Variants in SLTM observed in about 807,000 individuals in gnomAD.
SLTM encodes SAFB-like transcription modulator.
A neutral mutation model predicts 134.6 loss-of-function variants in SLTM; 43 were observed. The observed-to-expected ratio is 0.32, with a 90% CI of 0.25 to 0.41. The LOEUF (loss-of-function observed/expected upper bound fraction) is 0.41, where lower values mean the gene tolerates loss of function less well. SLTM is among the 10% of genes least tolerant of loss of function. The probability of loss-of-function intolerance (pLI) is 1.00; values close to 1 mark genes in which losing one functional copy is unlikely to be tolerated. For missense variants in SLTM, 1,055 were observed against 1,288.8 expected, an observed-to-expected ratio of 0.82 and a Z score of 2.78; for synonymous variants, 424 against 432.3, an observed-to-expected ratio of 0.98 and a Z score of 0.24.
chr15:58,886,931 A>C, intron 19 of SLTM, 44 bp downstream of exon 19: 4 of 1,610,338 alleles, frequency 2.5e-6, no homozygotes, highest in Non-Finnish European at 3.4e-6. Context: ...GAATCCTCTA[A>C]ATGTATGTGT....
chr15:58,905,558 A>T (rs968352741), intron 5 of SLTM, among the ~76,000 whole-genome samples: 2 of 152,054 alleles, frequency 1.3e-5, no homozygotes, highest in Non-Finnish European at 2.9e-5. Flanking sequence ...AATATATTTT[A>T]AAAAAATAAA....
Position 58,924,802 on chromosome 15 carries a change from A to G in SLTM, c.250+7554T>C, listed in dbSNP as rs1175358454. On this transcript the variant is annotated intron_variant, in intron 2 of 20. Coordinates refer to ENST00000380516, the MANE Select transcript of SLTM (RefSeq NM_024755.4). ...TTAAGTTCAGAAATACCTCCCAAAC[A>G]AAAACAAATCCCACTTAATAATTAG... Among the ~76,000 whole-genome samples the G allele has an allele frequency of 3.3e-5, 5 of 152,186 alleles. No individual in the cohort carries two copies. In the East Asian group the frequency reaches 9.6e-4, roughly 29 times the overall value.
Position 58,888,568 on chromosome 15 carries a change from T to C in SLTM, c.2205-13A>G, listed in dbSNP as rs1248165951. ...AGGATCATCTCGCCTTGAAGAGAAA[T>C]ATTTGCTTATTTACATAAATTAGTT... On this transcript the variant is annotated splice_polypyrimidine_tract_variant and intron_variant, in intron 16 of 20. Transcript: ENST00000380516. 10 of 1,611,264 alleles carry C rather than the reference T, an allele frequency of 6.2e-6. No homozygotes were observed. Among genetic ancestry groups the C allele is most frequent in the Non-Finnish European group, 8.5e-6 (10 of 1,179,236 alleles).
At chr15:58,908,698 A>C (rs533654052) in intron 5 of SLTM, among the ~76,000 whole-genome samples, 44 of 152,336 alleles carry the variant, frequency 2.9e-4, no homozygotes, top group African/African-American at 1.0e-3. Flanking sequence ...CAATACCTAA[A>C]TACTGAAAAT....
At chr15:58,932,521 A>C (rs1454354357) in intron 1 of SLTM, 78 bp from the exon 2 acceptor site, 2 of 1,096,692 alleles carry the variant, frequency 1.8e-6, no homozygotes, top group African/African-American at 3.1e-5. Flanking sequence ...AAAAAAATTT[A>C]GCAAACCTCA....
At chr15:58,883,176 A>C (rs531986086) in intron 20 of SLTM, among the ~76,000 whole-genome samples, 2 of 152,130 alleles carry the variant, frequency 1.3e-5, no homozygotes, top group Admixed American at 1.3e-4. Context: ...TTAGCTGGGC[A>C]TGGTGGCACA....
chr15:58,890,559 T>A, intron 14 of SLTM, 98 bp from the exon 15 acceptor site: 1 of 1,257,116 alleles, frequency 8.0e-7, no homozygotes, highest in Non-Finnish European at 1.1e-6. Flanking sequence ...TTGGCAATTT[T>A]AAATTTCAAC....
At chr15:58,909,034 T>G (rs2036074457) in intron 5 of SLTM, among the ~76,000 whole-genome samples, 1 of 152,174 alleles carries the variant, frequency 6.6e-6, no homozygotes, top group African/African-American at 2.4e-5. Context: ...TGAAAAGACC[T>G]AGAAACAATG....
At chr15:58,927,580 A>T (rs2037569685) in intron 2 of SLTM, among the ~76,000 whole-genome samples, 1 of 152,194 alleles carries the variant, frequency 6.6e-6, no homozygotes, top group Admixed American at 6.5e-5. Flanking sequence ...CAAAAGAGGT[A>T]TTTCTAAAAG....
chr15:58,901,413 C>A, intron 5 of SLTM, 126 bp from the exon 6 acceptor site: 1 of 718,250 alleles, frequency 1.4e-6, no homozygotes. Flanking sequence ...ATACCTAACA[C>A]TAACAAATAA....
chr15:58,926,481 G>C (rs1489599940), intron 2 of SLTM, among the ~76,000 whole-genome samples: 3 of 152,028 alleles, frequency 2.0e-5, no homozygotes, highest in African/African-American at 7.2e-5. Flanking sequence ...TTAACTTTTA[G>C]AAAGCTTTAC....
At chr15:58,893,420 A>G (rs1595854020) in intron 12 of SLTM, 56 bp from the exon 13 acceptor site, 2 of 1,232,586 alleles carry the variant, frequency 1.6e-6, no homozygotes, top group Non-Finnish European at 2.3e-6. Flanking sequence ...GAGAAAGAAA[A>G]TATGTATGTA....
intron 4 of SLTM, 27 bp downstream of exon 4, chr15:58,913,472 A>G (rs2036421099): frequency 1.3e-6 from 2 of 1,549,560 alleles, no homozygotes; most frequent in East Asian, 2.3e-5. Flanking sequence ...TATCTGTGTC[A>G]TGTTTTAAAA....
intron 20 of SLTM, among the ~76,000 whole-genome samples, chr15:58,882,383 G>A (rs1418137157): frequency 2.6e-5 from 4 of 152,080 alleles, no homozygotes; most frequent in Non-Finnish European, 5.9e-5. Context: ...AAACAGCAAA[G>A]CACTTACATG....
Position 58,879,887 on chromosome 15 carries a change from A to G in SLTM, c.*112T>C. 7.7e-7 allele frequency: 1 copy of G among 1,295,790 alleles called. No homozygotes were observed. The highest frequency in any genetic ancestry group is 1.0e-6 in the Non-Finnish European group (1 of 976,618). The allele number at this position is 1,295,790 out of a possible 1,614,324, so 80.3% of individuals were successfully genotyped here. The stretch of plus-strand genomic sequence containing the variant: ...GCAATCATGTTAAATTTTTAAAAAG[A>G]AAAGTCTGACAGAACTCTCAAGCAA... On this transcript the variant is annotated 3_prime_UTR_variant, in exon 21 of 21. Transcript: ENST00000380516.
At chr15:58,904,404 A>C (rs2035719152) in intron 5 of SLTM, among the ~76,000 whole-genome samples, 1 of 152,224 alleles carries the variant, frequency 6.6e-6, no homozygotes, top group Admixed American at 6.5e-5. Flanking sequence ...TTTTACAACT[A>C]AAGTAACATG....
chr15:58,931,500 A>C (rs966954283), intron 2 of SLTM, among the ~76,000 whole-genome samples: 29 of 152,210 alleles, frequency 1.9e-4, no homozygotes, highest in African/African-American at 6.0e-4. Context: ...GATTACAAAA[A>C]ATGCAGCAGC....
chr15:58,927,918 T>C (rs2037595681), intron 2 of SLTM, among the ~76,000 whole-genome samples: 1 of 152,238 alleles, frequency 6.6e-6, no homozygotes, highest in South Asian at 2.1e-4. Context: ...CTACATTTAA[T>C]TGATACCAGT....
chr15:58,897,426 A>G (rs1166955168), intron 8 of SLTM, 193 bp from the exon 9 acceptor site: 2 of 496,544 alleles, frequency 4.0e-6, no homozygotes, highest in East Asian at 3.2e-5. Flanking sequence ...ACGTATGTAC[A>G]TTTCCTATTG....
Sources: gnomAD v4.1 joint callset for allele counts (sites outside exome capture counted in the v4.1 genomes callset) on GRCh38, gnomAD v4.1.1 for gene constraint, MANE v1.5 for transcripts, NCBI Gene and HGNC (gene_info 2026-07-23, HGNC 2026-07-21) for gene names.